FYN: variants seen among roughly 807,000 people sequenced by gnomAD.
FYN encodes the protein FYN proto-oncogene, Src family tyrosine kinase, also known as tyrosine-protein kinase Fyn.
In FYN, 10 loss-of-function variants were observed where a neutral mutation model predicts 70.2. The observed-to-expected ratio is 0.14, with a 90% confidence interval of 0.09 to 0.24. FYN has a LOEUF of 0.24. Ranked by LOEUF, FYN falls within the 10% of genes least tolerant of loss-of-function variation. FYN has a pLI of 1.00. For missense variants in FYN, 319 were observed against 673.1 expected (o/e 0.47, Z 5.82); for synonymous variants, 236 against 248.6 (o/e 0.95, Z 0.48).
At chr6:111,809,854 G>T (rs1470081460) in intron 2 of FYN, among the ~76,000 whole-genome samples, 1 of 152,044 alleles carries the variant, frequency 6.6e-6, no homozygotes, top group African/African-American at 2.4e-5. Flanking sequence ...CCCTTAAAAA[G>T]GTGGCACATA....
At chr6:111,699,194 G>A (rs1202133833) in intron 9 of FYN, among the ~76,000 whole-genome samples, 5 of 152,120 alleles carry the variant, frequency 3.3e-5, no homozygotes, top group Admixed American at 2.0e-4. Context: ...TCAAACCCAG[G>A]CCCATTGAGC....
intron 12 of FYN, among the ~76,000 whole-genome samples, chr6:111,682,278 T>C (rs1798810555): frequency 6.6e-6 from 1 of 152,212 alleles, no homozygotes; most frequent in African/African-American, 2.4e-5. Context: ...AATCTTCCTT[T>C]CATACGACAG....
At chr6:111,693,381 T>C (rs754027755) in intron 12 of FYN, among the ~76,000 whole-genome samples, 1 of 152,088 alleles carries the variant, frequency 6.6e-6, no homozygotes, top group Non-Finnish European at 1.5e-5. Context: ...ACAATGAAAG[T>C]TCCCCCTTGC....
intron 13 of FYN, among the ~76,000 whole-genome samples, chr6:111,664,922 A>G (rs1005329634): frequency 6.6e-6 from 1 of 152,188 alleles, no homozygotes; most frequent in Non-Finnish European, 1.5e-5. Context: ...CTCTTTTCCA[A>G]CCATCCATAA....
intron 2 of FYN, among the ~76,000 whole-genome samples, chr6:111,835,560 CT>C (rs1283275930): frequency 6.6e-6 from 1 of 152,246 alleles, no homozygotes; most frequent in Non-Finnish European, 1.5e-5. Flanking sequence ...AGTCCTGCCC[CT>C]GTACCCTTTC....
intron 2 of FYN, among the ~76,000 whole-genome samples, chr6:111,799,445 C>T (rs1458934291): frequency 1.3e-5 from 2 of 152,100 alleles, no homozygotes; most frequent in Non-Finnish European, 2.9e-5. Flanking sequence ...CCTTTACTGG[C>T]TATTGACATG....
chr6:111,674,096 T>C (rs1798430016), intron 13 of FYN, among the ~76,000 whole-genome samples: 1 of 152,116 alleles, frequency 6.6e-6, no homozygotes, highest in Admixed American at 6.5e-5. Flanking sequence ...AGTGCTACAG[T>C]GTAATCAAAA....
intron 3 of FYN, among the ~76,000 whole-genome samples, chr6:111,741,480 T>C (rs1426739523): frequency 2.6e-5 from 4 of 152,110 alleles, no homozygotes; most frequent in Non-Finnish European, 4.4e-5. Flanking sequence ...TGTTGAGTTT[T>C]GGATGGTTTT....
chr6:111,783,861 G>A (rs530098274), intron 2 of FYN, among the ~76,000 whole-genome samples: 43 of 152,342 alleles, frequency 2.8e-4, no homozygotes, highest in African/African-American at 9.9e-4. Context: ...CCAGGAGCTT[G>A]TAAGAGCTGT....
intron 2 of FYN, among the ~76,000 whole-genome samples, chr6:111,794,535 C>T (rs1204577186): frequency 6.6e-6 from 1 of 152,184 alleles, no homozygotes; most frequent in African/African-American, 2.4e-5. Context: ...GTCAGCAACC[C>T]CCAGCCTGCG....
intron 13 of FYN, among the ~76,000 whole-genome samples, chr6:111,664,200 A>G (rs1797894712): frequency 6.6e-6 from 1 of 152,194 alleles, no homozygotes; most frequent in East Asian, 1.9e-4. Context: ...TTCAGCAATG[A>G]CAGAGCTTGG....
At chr6:111,778,124 C>G (rs1771023093) in intron 3 of FYN, among the ~76,000 whole-genome samples, 1 of 152,160 alleles carries the variant, frequency 6.6e-6, no homozygotes, top group South Asian at 2.1e-4. Flanking sequence ...TAATGCTGGC[C>G]TAGGTGCACA....
At chr6:111,739,711 G>C (rs1801870321) in intron 3 of FYN, among the ~76,000 whole-genome samples, 1 of 152,206 alleles carries the variant, frequency 6.6e-6, no homozygotes, top group Non-Finnish European at 1.5e-5. Context: ...TTAAGATGAA[G>C]GGTTTCTATT....
At chr6:111,750,443 C>A (rs1469869150) in intron 3 of FYN, among the ~76,000 whole-genome samples, 2 of 152,298 alleles carry the variant, frequency 1.3e-5, no homozygotes, top group African/African-American at 2.4e-5. Flanking sequence ...GCAGAAGCCG[C>A]TATGCTTCCT....
chr6:111,752,840 T>C (rs1802547461), intron 3 of FYN, among the ~76,000 whole-genome samples: 1 of 152,072 alleles, frequency 6.6e-6, no homozygotes, highest in African/African-American at 2.4e-5. Context: ...AGTTCAGTGT[T>C]AATAATCTTG....
rs372962473 is a variant in FYN at position 111,663,824 on chromosome 6, A to AAATGGGG, written c.1406-1884_1406-1878dup. Among the ~76,000 whole-genome samples the AAATGGGG allele has an allele frequency of 7.0e-3, 1,071 of 152,238 alleles. 7 individuals carry two copies. Among genetic ancestry groups the AAATGGGG allele is most frequent in the African/African-American group, 0.024 (994 of 41,518 alleles). ...GCCTACATCCTCCTCCAATGGCTGA[A>AAATGGGG]AATGGGGGATGGGGGCGGGGAGCTG... On this transcript the variant is annotated intron_variant, in intron 13 of 13. Transcript: ENST00000354650.
chr6:111,811,262 C>T (rs940854708), intron 2 of FYN, among the ~76,000 whole-genome samples: 3 of 152,182 alleles, frequency 2.0e-5, no homozygotes, highest in African/African-American at 7.2e-5. Flanking sequence ...AGGAAACAAA[C>T]AGACTTTAAT....
rs542514321 is a variant in FYN, at chr6:111,696,166, A to T, written c.1042+111T>A. ...ATAACTGGTGGTTCCTAATGGGAATACTTGACCCAGGCAGAAACTAGAAAA... is the reference window on the plus strand; with the variant it reads ...ATAACTGGTGGTTCCTAATGGGAATTCTTGACCCAGGCAGAAACTAGAAAA... On this transcript the variant is annotated intron_variant, in intron 10 of 13. Transcript: ENST00000354650. 45 of 945,050 alleles carry T rather than the reference A, an allele frequency of 4.8e-5. No individual in the cohort carries two copies. In the Middle Eastern group the frequency reaches 4.7e-3, roughly 99 times the overall value. The allele number at this position is 945,050 out of a possible 1,614,324, so 58.5% of individuals were successfully genotyped here.
At chr6:111,843,854 C>T (rs1485877990) in intron 2 of FYN, among the ~76,000 whole-genome samples, 1 of 152,054 alleles carries the variant, frequency 6.6e-6, no homozygotes, top group African/African-American at 2.4e-5. Flanking sequence ...TTGAAGCGGC[C>T]GTGGCGATAG....
Sources: gnomAD v4.1 joint callset for allele counts (sites outside exome capture counted in the v4.1 genomes callset) on GRCh38, gnomAD v4.1.1 for gene constraint, MANE v1.5 for transcripts, NCBI Gene and HGNC (gene_info 2026-07-23, HGNC 2026-07-21) for gene names.